ADPRHL1: variants seen among roughly 807,000 people sequenced by gnomAD.
ADPRHL1 encodes inactive ADP-ribosyltransferase ARH2.
Under a neutral mutation model 44.1 loss-of-function variants are expected in ADPRHL1, and 43 were observed. The observed-to-expected ratio is 0.98, with a 90% CI of 0.76 to 1.26. The LOEUF (loss-of-function observed/expected upper bound fraction) is 1.26. Ranked by LOEUF, ADPRHL1 falls within the 50% of genes most tolerant of loss-of-function variation. The pLI is 0.00. For missense variants in ADPRHL1, 2,022 were observed against 2,496.9 expected (o/e 0.81, Z 4.05); for synonymous variants, 878 against 1,017.4 (o/e 0.86, Z 2.61).
intron 2 of ADPRHL1, among the ~76,000 whole-genome samples, 165 bp downstream of exon 2, chr13:113,444,260 G>T (rs1478753871): frequency 6.6e-6 from 1 of 151,934 alleles, no homozygotes; most frequent in Non-Finnish European, 1.5e-5. Flanking sequence ...CGCCCGCACT[G>T]GCCGGGCTGA....
rs1376044422 is a variant in ADPRHL1 at position 113,407,684 on chromosome 13, G to C, written c.1598C>G (p.Ala533Gly). The change falls in exon 8 of 8, where the codon GCC (alanine) becomes GGC (glycine). Residue 533 changes from alanine (A) to glycine (G), a missense_variant. Around this residue, in one of 8 missense-constraint regions of ADPRHL1, gnomAD observed 1,221 missense variants for 1,517.8 expected, o/e 0.80. Coordinates refer to ENST00000612156, the MANE Select transcript of ADPRHL1 (RefSeq NM_001394807.1). The stretch of plus-strand genomic sequence containing the variant: ...GATCTTCGGCAAGAGGCCCCTGGCG[G>C]CTTTGGGCCGCTCCACAGGGGGCTT... ...REKPPVERPK[A>G]ARGLLPKIMG... The C allele has an allele frequency of 4.1e-6, 5 of 1,231,962 alleles. No individual in the cohort carries two copies. The highest frequency in any genetic ancestry group is 5.1e-6 in the Non-Finnish European group (5 of 988,024). The allele number at this position is 1,231,962 out of a possible 1,614,324, so 76.3% of individuals were successfully genotyped here.
rs567061767 is a variant in ADPRHL1 at position 113,439,998 on chromosome 13, T to C, written c.379+4427A>G. On this transcript the variant is annotated intron_variant, in intron 2 of 7. Coordinates refer to ENST00000612156, the MANE Select transcript of ADPRHL1 (RefSeq NM_001394807.1). ...CCACATCAGTCTAGCTAGAGGATTC[T>C]CAATTGTTTTGATCTCCTGAAAGAA... is the stretch of plus-strand genomic sequence containing the variant. 1.4e-3 allele frequency among the ~76,000 whole-genome samples: 216 copies of C among 152,370 alleles called. 2 individuals carry two copies. The highest frequency in any genetic ancestry group is 4.9e-3 in the African/African-American group (205 of 41,588).
intron 6 of ADPRHL1, among the ~76,000 whole-genome samples, chr13:113,423,185 A>T (rs567077702): frequency 7.9e-5 from 12 of 151,996 alleles, no homozygotes; most frequent in Non-Finnish European, 1.5e-4. Context: ...TGAACCCGGG[A>T]GGCAGAGGTG....
Position 113,453,124 on chromosome 13 carries a change from G to T in ADPRHL1, c.214+100C>A. Reference sequence around the variant, plus strand: ...TATCAGGTAACACCATCCGCTGAAGGACCGCACTGCCTTCAAAGCTCTCGG... The same window carrying T: ...TATCAGGTAACACCATCCGCTGAAGTACCGCACTGCCTTCAAAGCTCTCGG... On this transcript the variant is annotated intron_variant, in intron 1 of 7. Coordinates refer to ENST00000612156, the MANE Select transcript of ADPRHL1 (RefSeq NM_001394807.1). The surrounding 1 kb of genome is among the most constrained non-coding windows in gnomAD (Gnocchi z 5.4). 7.6e-7 allele frequency: 1 copy of T among 1,314,750 alleles called. No individual in the cohort carries two copies. 81.4% of individuals were successfully genotyped at this position (1,314,750 alleles called of 1,614,324 possible). A position where few individuals can be genotyped will look rare whatever the true frequency, so the allele number is the denominator to read the frequency against.
chr13:113,449,785 C>T (rs577834367), intron 1 of ADPRHL1, among the ~76,000 whole-genome samples: 2 of 152,326 alleles, frequency 1.3e-5, no homozygotes, highest in South Asian at 4.1e-4. Context: ...GGAAAGCATG[C>T]TGAAGAGCCC....
intron 2 of ADPRHL1, among the ~76,000 whole-genome samples, chr13:113,443,880 T>C (rs1477056478): frequency 1.3e-5 from 2 of 149,592 alleles, no homozygotes; most frequent in African/African-American, 2.5e-5. Context: ...GAGGCGGAGG[T>C]TGCAGTGACC....
At position 113,423,718 on chromosome 13, in the gene ADPRHL1, A is replaced by G. The variant is rs183757160; in HGVS notation, c.907+499T>C. Among the ~76,000 whole-genome samples the G allele has an allele frequency of 3.3e-5, 5 of 152,346 alleles. No homozygotes were observed. The East Asian group carries it at 9.7e-4, about 29-fold the overall frequency. On this transcript the variant is annotated intron_variant, in intron 6 of 7. Transcript: ENST00000612156. ...CATGGCCAGAGACGGCCAGGGCGGC[A>G]CAGAGCCAGCACGGATGGAGCAGGA... is the stretch of plus-strand genomic sequence containing the variant.
intron 3 of ADPRHL1, among the ~76,000 whole-genome samples, chr13:113,430,009 G>A (rs1180580431): frequency 6.6e-6 from 1 of 152,188 alleles, no homozygotes; most frequent in Non-Finnish European, 1.5e-5. Flanking sequence ...ATCTTCCAGG[G>A]CAGTGGGGAA....
intron 1 of ADPRHL1, among the ~76,000 whole-genome samples, chr13:113,447,076 A>ACGG (rs1187448993): frequency 3.0e-5 from 4 of 134,634 alleles, no homozygotes; most frequent in Admixed American, 7.7e-5. Flanking sequence ...GTCTACATGC[A>ACGG]TGGTGTGTGT....
rs1219360634 is a variant in ADPRHL1 at position 113,409,668 on chromosome 13, C to T, written c.1062-1448G>A. The T allele has an allele frequency of 8.3e-5, 78 of 938,888 alleles. No individual in the cohort carries two copies. Among genetic ancestry groups the T allele is most frequent in the Non-Finnish European group, 9.4e-5 (74 of 787,798 alleles). 58.2% of individuals were successfully genotyped at this position (938,888 alleles called of 1,614,324 possible). A position where few individuals can be genotyped will look rare whatever the true frequency, so the allele number is the denominator to read the frequency against. On this transcript the variant is annotated intron_variant, in intron 7 of 7. Transcript: ENST00000612156. The surrounding 1 kb of genome is among the most constrained non-coding windows in gnomAD (Gnocchi z 4.2). ...TTGGGAGGCCGAGGCTGGCAGATCA[C>T]GAGGTCAGGAGATCGAGACCATCCT...
chr13:113,404,048 T>C lies in ADPRHL1; in HGVS notation c.5234A>G (p.Gln1745Arg), dbSNP rs192280598. 3.1e-6 allele frequency: 4 copies of C among 1,309,296 alleles called. No homozygotes were observed. In the East Asian group the frequency reaches 1.3e-4, roughly 41 times the overall value. 81.1% of individuals were successfully genotyped at this position (1,309,296 alleles called of 1,614,324 possible). ...RAREQAQKGAQERAQEQGREQ... is the reference protein window; with the variant it reads ...RAREQAQKGARERAQEQGREQ... Reference sequence around the variant, plus strand: ...CCGACCCTGTTCCTGAGCCCGTTCCTGAGCCCCTTTCTGGGCCTGTTCCCG... The same window carrying C: ...CCGACCCTGTTCCTGAGCCCGTTCCCGAGCCCCTTTCTGGGCCTGTTCCCG... Residue 1745 changes from glutamine (Q) to arginine (R), a missense_variant, in exon 8 of 8, where the codon CAG becomes CGG. By Grantham distance (43) the Gln-to-Arg change is conservative. Coordinates refer to ENST00000612156, the MANE Select transcript of ADPRHL1 (RefSeq NM_001394807.1).
chr13:113,429,159 G>A (rs1348097399), intron 3 of ADPRHL1, 67 bp from the exon 4 acceptor site: 12 of 1,551,502 alleles, frequency 7.7e-6, no homozygotes, highest in East Asian at 7.1e-5. Flanking sequence ...GGGGCCGCCC[G>A]CCACGCTGCG....
At chr13:113,436,802 C>T (rs377233595) in intron 2 of ADPRHL1, among the ~76,000 whole-genome samples, 12 of 28,698 alleles carry the variant, frequency 4.2e-4, no homozygotes, top group Admixed American at 3.9e-4. Flanking sequence ...AGAGTGAACA[C>T]AGGTGTACCC....
intron 7 of ADPRHL1, among the ~76,000 whole-genome samples, chr13:113,414,117 G>C (rs1282148216): frequency 6.6e-6 from 1 of 152,196 alleles, no homozygotes; most frequent in Non-Finnish European, 1.5e-5. Flanking sequence ...ACCCTCAGCC[G>C]CAGTTTCCTC....
chr13:113,408,156 T>A lies in ADPRHL1; in HGVS notation c.1126A>T (p.Met376Leu). The change falls in exon 8 of 8, where the codon ATG becomes TTG. Residue 376 changes from methionine to leucine, a missense_variant. Around this residue, in one of 8 missense-constraint regions of ADPRHL1, gnomAD observed 1,221 missense variants for 1,517.8 expected, o/e 0.80. Coordinates refer to ENST00000612156, the MANE Select transcript of ADPRHL1 (RefSeq NM_001394807.1). ...GCCGGGTCACAGGCCAGCTTGCCCA[T>A]CTTCTTCTTCAGGGTTTGGGCGTCC... ...SVDAQTLKKK[M>L]GKLACDPAAH... The A allele has an allele frequency of 1.6e-6, 2 of 1,231,988 alleles. No homozygotes were observed. The highest frequency in any genetic ancestry group is 6.3e-5 in the East Asian group (2 of 31,702). 76.3% of individuals were successfully genotyped at this position (1,231,988 alleles called of 1,614,324 possible).
chr13:113,435,056 C>T (rs370111926), intron 2 of ADPRHL1, among the ~76,000 whole-genome samples: 22 of 133,106 alleles, frequency 1.7e-4, no homozygotes, highest in African/African-American at 3.8e-4. Flanking sequence ...CCCCAGGACC[C>T]GGCACCCAGG....
chr13:113,424,205 G>A lies in ADPRHL1; in HGVS notation c.907+12C>T. 1.9e-6 allele frequency: 3 copies of A among 1,612,468 alleles called. No individual in the cohort carries two copies. The highest frequency in any genetic ancestry group is 1.7e-6 in the Non-Finnish European group (2 of 1,179,706). ...CCCTCCAGGAAGCCACGGCCATTAAGGAACATCTCACCTCCATGAAACATG... is the reference window on the plus strand; with the variant it reads ...CCCTCCAGGAAGCCACGGCCATTAAAGAACATCTCACCTCCATGAAACATG... On this transcript the variant is annotated intron_variant, in intron 6 of 7. Transcript: ENST00000612156.
At chr13:113,410,424 C>T (rs1353628827) in intron 7 of ADPRHL1, among the ~76,000 whole-genome samples, 4 of 152,152 alleles carry the variant, frequency 2.6e-5, no homozygotes, top group Non-Finnish European at 4.4e-5. Flanking sequence ...GGACCCCACT[C>T]GGAACCACTG....
chr13:113,425,358 A>C (rs7991325), intron 4 of ADPRHL1, among the ~76,000 whole-genome samples, 179 bp from the exon 5 acceptor site: 126,475 of 152,156 alleles, frequency 0.83, 52,727 homozygotes, highest in Admixed American at 0.87. Flanking sequence ...AACAACTGAG[A>C]GACTGTCCAG....
Sources: gnomAD v4.1 joint callset for allele counts (sites outside exome capture counted in the v4.1 genomes callset) on GRCh38, gnomAD v4.1.1 for gene constraint, gnomAD v4.1.1 regional missense constraint, Gnocchi (gnomAD v3.1) non-coding constraint, MANE v1.5 for transcripts, NCBI Gene and HGNC (gene_info 2026-07-23, HGNC 2026-07-21) for gene names.